The following DGKI variants were observed in gnomAD, a reference collection of about 807,000 sequenced individuals.
The protein encoded by DGKI is DAG kinase iota.
A neutral mutation model predicts 147.5 loss-of-function variants in DGKI; 55 were observed. The ratio of observed to expected loss-of-function variants is 0.37; its 90% CI spans 0.30 to 0.47. The LOEUF is 0.47. DGKI is among the 20% of genes least tolerant of loss of function. The pLI, the probability that DGKI is intolerant of heterozygous loss-of-function variation, is 1.00. For missense variants in DGKI, 1,007 were observed against 1,323.8 expected (o/e 0.76, Z 3.71); for synonymous variants, 469 against 477.1 (o/e 0.98, Z 0.22).
intron 30 of DGKI, among the ~76,000 whole-genome samples, chr7:137,405,304 G>C (rs151039967): frequency 6.4e-4 from 98 of 152,142 alleles, no homozygotes; most frequent in Middle Eastern, 3.4e-3. Flanking sequence ...GGAGTGCAGT[G>C]GTGCAATTCT....
At chr7:137,697,510 A>AATTAGAT (rs2116491442) in intron 1 of DGKI, among the ~76,000 whole-genome samples, 1 of 152,352 alleles carries the variant, frequency 6.6e-6, no homozygotes, top group East Asian at 1.9e-4. Context: ...AAGACTGCTA[A>AATTAGAT]ATTAGATATA....
chr7:137,540,098 A>T (rs1817639417), intron 20 of DGKI, among the ~76,000 whole-genome samples: 1 of 152,254 alleles, frequency 6.6e-6, no homozygotes, highest in Non-Finnish European at 1.5e-5. Context: ...TTGAATTTAT[A>T]GCTTAAGAAA....
chr7:137,599,666 G>A (rs934189159), intron 11 of DGKI, among the ~76,000 whole-genome samples, 157 bp downstream of exon 11: 1 of 152,194 alleles, frequency 6.6e-6, no homozygotes, highest in African/African-American at 2.4e-5. Context: ...AAGAGTAGGA[G>A]AGAACTTTGG....
At chr7:137,751,958 G>A (rs984621003) in intron 1 of DGKI, among the ~76,000 whole-genome samples, 1 of 152,150 alleles carries the variant, frequency 6.6e-6, no homozygotes, top group African/African-American at 2.4e-5. Context: ...TATTAATTAT[G>A]TCTAGGCATT....
chr7:137,387,125 A>G lies in DGKI; in HGVS notation c.*4095T>C, dbSNP rs1681953984. Reference sequence around the variant, plus strand: ...TTCCCGGAAGTAGCCTGCCCTAATTAAATATCACTAGGCAACCTACTGAGT... The same window carrying G: ...TTCCCGGAAGTAGCCTGCCCTAATTGAATATCACTAGGCAACCTACTGAGT... On this transcript the variant is annotated 3_prime_UTR_variant, in exon 33 of 33. Coordinates refer to ENST00000614521, the MANE Select transcript of DGKI (RefSeq NM_001321708.2). 1 of 152,162 alleles carries G rather than the reference A, an allele frequency of 6.6e-6. No homozygotes were observed. Among genetic ancestry groups the G allele is most frequent in the African/African-American group, 2.4e-5 (1 of 41,444 alleles). The allele number at this position is 152,162 out of a possible 1,614,324, so 9.4% of individuals were successfully genotyped here.
At chr7:137,826,369 G>A (rs1798057911) in intron 1 of DGKI, among the ~76,000 whole-genome samples, 1 of 152,132 alleles carries the variant, frequency 6.6e-6, no homozygotes, top group Non-Finnish European at 1.5e-5. Context: ...AGTCAGAATT[G>A]GTCACACTGA....
chr7:137,418,980 T>C (rs763010522), intron 28 of DGKI, among the ~76,000 whole-genome samples: 1 of 152,200 alleles, frequency 6.6e-6, no homozygotes, highest in Non-Finnish European at 1.5e-5. Context: ...TTTCATTTCA[T>C]AGATGAGGAA....
At chr7:137,600,594 T>C (rs532448871) in intron 10 of DGKI, among the ~76,000 whole-genome samples, 5 of 152,286 alleles carry the variant, frequency 3.3e-5, no homozygotes, top group South Asian at 2.1e-4. Context: ...TGAAAATCCA[T>C]ATAGAAAAGT....
In DGKI at chr7:137,385,257, T is replaced by C. The variant is rs1473852201; in HGVS notation, c.*5963A>G. On this transcript the variant is annotated 3_prime_UTR_variant, in exon 33 of 33. Transcript: ENST00000614521. ...TAAATTCATGCTTAGTTTAAAATTTTTTAAATGATAACTAACGGCCATTCC... is the reference window on the plus strand; with the variant it reads ...TAAATTCATGCTTAGTTTAAAATTTCTTAAATGATAACTAACGGCCATTCC... 1.3e-5 allele frequency: 2 copies of C among 152,134 alleles called. No individual in the cohort carries two copies. The highest frequency in any genetic ancestry group is 4.8e-5 in the African/African-American group (2 of 41,454). The allele number at this position is 152,134 out of a possible 1,614,324, so 9.4% of individuals were successfully genotyped here. A position where few individuals can be genotyped will look rare whatever the true frequency, so the allele number is the denominator to read the frequency against.
chr7:137,650,641 C>T (rs1176578695), intron 5 of DGKI, among the ~76,000 whole-genome samples: 2 of 152,206 alleles, frequency 1.3e-5, no homozygotes, highest in African/African-American at 4.8e-5. Context: ...CTTTCCTCCA[C>T]ATGAGAATAC....
chr7:137,800,938 A>C (rs1190938973), intron 1 of DGKI, among the ~76,000 whole-genome samples: 1 of 152,216 alleles, frequency 6.6e-6, no homozygotes, highest in African/African-American at 2.4e-5. Context: ...CTGTAGAATA[A>C]GAATTTTGTA....
chr7:137,631,353 A>G (rs1216504178), intron 6 of DGKI, among the ~76,000 whole-genome samples: 5 of 152,220 alleles, frequency 3.3e-5, no homozygotes, highest in African/African-American at 1.2e-4. Flanking sequence ...CCTTAGAGGG[A>G]GAAAAGAGTC....
At chr7:137,772,746 A>C (rs1796244225) in intron 1 of DGKI, among the ~76,000 whole-genome samples, 1 of 152,288 alleles carries the variant, frequency 6.6e-6, no homozygotes. Flanking sequence ...CAGTTATTCC[A>C]AGTTGTTGTA....
At chr7:137,820,490 G>A (rs1020537253) in intron 1 of DGKI, among the ~76,000 whole-genome samples, 1 of 152,202 alleles carries the variant, frequency 6.6e-6, no homozygotes, top group African/African-American at 2.4e-5. Flanking sequence ...GCTGGTGGGA[G>A]CACTCAGGTG....
At chr7:137,466,713 C>T (rs529686307) in intron 25 of DGKI, among the ~76,000 whole-genome samples, 189 bp downstream of exon 25, 1 of 152,284 alleles carries the variant, frequency 6.6e-6, no homozygotes, top group Admixed American at 6.5e-5. Context: ...GATTAAGCCA[C>T]ATCATCTTGA....
intron 12 of DGKI, among the ~76,000 whole-genome samples, chr7:137,596,170 T>C (rs562943800): frequency 6.6e-6 from 1 of 152,098 alleles, no homozygotes; most frequent in East Asian, 1.9e-4. Flanking sequence ...TCTGGGGATG[T>C]TATGCATAGC....
chr7:137,543,874 C>A (rs776350536), intron 20 of DGKI, among the ~76,000 whole-genome samples: 1 of 152,246 alleles, frequency 6.6e-6, no homozygotes, highest in South Asian at 2.1e-4. Flanking sequence ...ACATGTTGTG[C>A]TTAAACTTTT....
chr7:137,415,755 G>A (rs1408340990), intron 28 of DGKI, among the ~76,000 whole-genome samples: 1 of 152,170 alleles, frequency 6.6e-6, no homozygotes, highest in East Asian at 1.9e-4. Context: ...GCCAAGGCAG[G>A]TGGATCACGA....
chr7:137,680,185 G>A (rs1228470459), intron 2 of DGKI, among the ~76,000 whole-genome samples: 1 of 151,962 alleles, frequency 6.6e-6, no homozygotes, highest in Admixed American at 6.6e-5. Context: ...GTGAGCACAC[G>A]GCAAGAAAGC....
Sources: gnomAD v4.1 joint callset for allele counts (sites outside exome capture counted in the v4.1 genomes callset) on GRCh38, gnomAD v4.1.1 for gene constraint, MANE v1.5 for transcripts, NCBI Gene and HGNC (gene_info 2026-07-23, HGNC 2026-07-21) for gene names.